Variants in HSPG2 observed in about 807,000 individuals in gnomAD.
HSPG2 encodes heparan sulfate proteoglycan 2.
A neutral mutation model predicts 526.6 loss-of-function variants in HSPG2; 278 were observed. The observed-to-expected ratio is 0.53, with a 90% CI of 0.48 to 0.58. HSPG2 has a LOEUF of 0.58. Ranked by LOEUF, HSPG2 falls within the 20% of genes least tolerant of loss-of-function variation. The probability of loss-of-function intolerance (pLI) is 0.00; values close to 1 mark genes in which losing one functional copy is unlikely to be tolerated. For synonymous variants in HSPG2, 2,465 were observed against 2,555.4 expected (o/e 0.96, Z 1.07); for missense variants, 5,354 against 6,099.5 (o/e 0.88, Z 4.07).
At position 21,833,325 on chromosome 1, in the gene HSPG2, T is replaced by C. The variant is rs2152694872; in HGVS notation, c.11038A>G (p.Lys3680Glu). The change falls in exon 80 of 97, where the codon AAG becomes GAG. Residue 3680 changes from lysine to glutamate, a missense_variant. By Grantham distance (56) the Lys-to-Glu change is moderately conservative. Transcript: ENST00000374695. ...ATCTCGAACTTCCTGTAGGCATCCT[T>C]GATGGTGGGCAGCGGTAGGAAGGAG... is the stretch of plus-strand genomic sequence containing the variant. The part of the protein sequence containing the change: ...PYSFLPLPTI[K>E]DAYRKFEIKI... 2 of 1,613,976 alleles carry C rather than the reference T, an allele frequency of 1.2e-6. No homozygotes were observed. The highest frequency in any genetic ancestry group is 1.7e-6 in the Non-Finnish European group (2 of 1,179,964).
Position 21,843,339 on chromosome 1 carries a change from C to G in HSPG2, c.8716G>C (p.Val2906Leu), listed in dbSNP as rs770457359. 2 of 1,614,130 alleles carry G rather than the reference C, an allele frequency of 1.2e-6. No homozygotes were observed. Among genetic ancestry groups the G allele is most frequent in the Admixed American group, 3.3e-5 (2 of 60,026 alleles). ...TGSSGTLEASVLVTIEPSSPG... is the reference protein window; with the variant it reads ...TGSSGTLEASLLVTIEPSSPG... ...CTGGAGGGCTCAATTGTGACCAGGACAGATGCCTCCAGGGTGCCTGAGCTT... is the reference window on the plus strand; with the variant it reads ...CTGGAGGGCTCAATTGTGACCAGGAGAGATGCCTCCAGGGTGCCTGAGCTT... Residue 2906 changes from valine to leucine, a missense_variant, in exon 66 of 97, where the codon GTC (valine) becomes CTC (leucine). Coordinates refer to ENST00000374695, the MANE Select transcript of HSPG2 (RefSeq NM_005529.7).
In HSPG2 at chr1:21,866,031, A is replaced by G. The variant is rs4654993; in HGVS notation, c.4222-222T>C. Among the ~76,000 whole-genome samples the G allele has an allele frequency of 0.98, 149,455 of 152,160 alleles. 73,447 individuals are homozygous for G. Among genetic ancestry groups the G allele is most frequent in the Middle Eastern group, 1 (294 of 294 alleles). Reference sequence around the variant, plus strand: ...AGACATGGTGGTGATGATGCTGAGCAGCCTCTTTGCTCTGCAAGGTTCTCT... The same window carrying G: ...AGACATGGTGGTGATGATGCTGAGCGGCCTCTTTGCTCTGCAAGGTTCTCT... On this transcript the variant is annotated intron_variant, in intron 33 of 96. Transcript: ENST00000374695.
chr1:21,860,832 G>C (rs370705566), intron 39 of HSPG2, among the ~76,000 whole-genome samples: 1 of 152,184 alleles, frequency 6.6e-6, no homozygotes, highest in African/African-American at 2.4e-5. Context: ...TGTGCTATAG[G>C]TGTTGGAAAT....
rs779649383 is a variant in HSPG2 at position 21,852,850 on chromosome 1, G to A, written c.6592-18C>T. Reference sequence around the variant, plus strand: ...CCGTGGGTCTGTGTGCAAATGGGGTGGGTTGGGAGGGGGCTGGAACAGTCC... The same window carrying A: ...CCGTGGGTCTGTGTGCAAATGGGGTAGGTTGGGAGGGGGCTGGAACAGTCC... On this transcript the variant is annotated intron_variant, in intron 51 of 96. Transcript: ENST00000374695. The A allele has an allele frequency of 1.1e-5, 18 of 1,611,358 alleles. No homozygotes were observed. Among genetic ancestry groups the A allele is most frequent in the Non-Finnish European group, 1.4e-5 (16 of 1,179,536 alleles).
intron 1 of HSPG2, 142 bp from the exon 2 acceptor site, chr1:21,896,452 G>C: frequency 9.7e-7 from 1 of 1,028,362 alleles, no homozygotes; most frequent in Non-Finnish European, 1.5e-6. Flanking sequence ...GGCTCAGTGA[G>C]CCAGGCTGGG....
intron 96 of HSPG2, 49 bp downstream of exon 96, chr1:21,823,567 A>G (rs763147307): frequency 3.0e-5 from 48 of 1,608,914 alleles, no homozygotes; most frequent in South Asian, 4.4e-5. Flanking sequence ...CTCTAGCCCT[A>G]AGGGAGTGCC....
chr1:21,846,040 T>C, intron 64 of HSPG2, 68 bp downstream of exon 64: 1 of 1,573,864 alleles, frequency 6.4e-7, no homozygotes, highest in East Asian at 2.2e-5. Context: ...CTTCTGCCAG[T>C]TCTGCCCCCT....
chr1:21,880,835 C>A lies in HSPG2; in HGVS notation c.1819G>T (p.Val607Leu), dbSNP rs759039483. The change falls in exon 15 of 97, where the codon GTG (valine) becomes TTG (leucine). Residue 607 changes from valine (V) to leucine (L), a missense_variant and splice_region_variant. By Grantham distance (32) the Val-to-Leu change is conservative (BLOSUM62 1). Coordinates refer to ENST00000374695, the MANE Select transcript of HSPG2 (RefSeq NM_005529.7). Reference sequence around the variant, plus strand: ...CGCAGGGAGCCGCCATAGGAGTCCACCTGGCACAACAGGGTGGATCAGCAC... The same window carrying A: ...CGCAGGGAGCCGCCATAGGAGTCCAACTGGCACAACAGGGTGGATCAGCAC... ...ALPEQFLGNK[V>L]DSYGGSLRYN... 13 of 1,589,408 alleles carry A rather than the reference C, an allele frequency of 8.2e-6. No homozygotes were observed. Among genetic ancestry groups the A allele is most frequent in the Admixed American group, 1.8e-5 (1 of 56,694 alleles).
rs530001373 is a variant in HSPG2, at chr1:21,904,066, G to A, written c.64-7756C>T. The stretch of plus-strand genomic sequence containing the variant: ...GGGGTACCTACTATGTGCTGGGCCC[G>A]GGGGACAAAATGTGAAATGGACACA... On this transcript the variant is annotated intron_variant, in intron 1 of 96. Transcript: ENST00000374695. The surrounding 1 kb of genome is among the most constrained non-coding windows in gnomAD (Gnocchi z 4.4). 4.6e-5 allele frequency among the ~76,000 whole-genome samples: 7 copies of A among 152,280 alleles called. No individual in the cohort carries two copies. The highest frequency in any genetic ancestry group is 2.1e-4 in the South Asian group (1 of 4,824).
intron 74 of HSPG2, 82 bp downstream of exon 74, chr1:21,838,743 C>T (rs987104733): frequency 1.4e-6 from 2 of 1,476,670 alleles, no homozygotes; most frequent in South Asian, 1.2e-5. Flanking sequence ...GGGAGGCCTT[C>T]CCACCCGAGT....
chr1:21,890,974 G>A lies in HSPG2; in HGVS notation c.245-280C>T, dbSNP rs544924479. On this transcript the variant is annotated intron_variant, in intron 3 of 96. Transcript: ENST00000374695. This position sits in a 1 kb window ranked among gnomAD's most constrained non-coding sequence, Gnocchi z 4.1. ...CAAAAGAGGAGACCCCCACAGTTCA[G>A]AGGAAGGCTGGACAAGAAGGGGTGG... is the stretch of plus-strand genomic sequence containing the variant. 9.5e-4 allele frequency among the ~76,000 whole-genome samples: 144 copies of A among 152,374 alleles called. No homozygotes were observed. Among genetic ancestry groups the A allele is most frequent in the Non-Finnish European group, 1.8e-3 (120 of 68,036 alleles).
At chr1:21,934,828 C>T (rs1006973269) in intron 1 of HSPG2, among the ~76,000 whole-genome samples, 3 of 152,134 alleles carry the variant, frequency 2.0e-5, no homozygotes, top group African/African-American at 7.2e-5. Flanking sequence ...AACTCCTGAC[C>T]TCATGATCCG....
chr1:21,835,664 A>C, intron 75 of HSPG2, 27 bp from the exon 76 acceptor site: 2 of 1,558,628 alleles, frequency 1.3e-6, no homozygotes, highest in South Asian at 2.2e-5. Flanking sequence ...ATAAGACATC[A>C]GGGAGTTGAA....
rs777487595 is a variant in HSPG2, at chr1:21,844,300, C to G, written c.8465-1G>C. The G allele has an allele frequency of 6.2e-7, 1 of 1,611,702 alleles. No homozygotes were observed. The highest frequency in any genetic ancestry group is 2.2e-5 in the East Asian group (1 of 44,856). ...CGGATGGGTGGGGCTCCACCTGGGGCTGGGGCACAGGGGAGAGGTCAGTGA... is the reference window on the plus strand; with the variant it reads ...CGGATGGGTGGGGCTCCACCTGGGGGTGGGGCACAGGGGAGAGGTCAGTGA... On this transcript the variant is annotated splice_acceptor_variant, in intron 64 of 96. Coordinates refer to ENST00000374695, the MANE Select transcript of HSPG2 (RefSeq NM_005529.7). LOFTEE classifies it high-confidence loss of function.
chr1:21,828,916 G>A lies in HSPG2; in HGVS notation c.12156C>T (p.Leu4052=). The A allele has an allele frequency of 1.3e-6, 2 of 1,564,000 alleles. No homozygotes were observed. Among genetic ancestry groups the A allele is most frequent in the Non-Finnish European group, 8.7e-7 (1 of 1,154,140 alleles). The change falls in exon 88 of 97, where the codon CTC becomes CTT. Residue 4052 remains leucine (L), a synonymous_variant. Transcript: ENST00000374695. The surrounding 1 kb of genome is among the most constrained non-coding windows in gnomAD (Gnocchi z 6.0). ...CGGAAGGCTCCACACCCCCCAGGTA[G>A]AGCAGGGTGTGCAGGTTGAGGCCCT... The part of the protein sequence containing the change: ...KSQGLNLHTL[L]YLGGVEPSVP...
chr1:21,866,884 A>G (rs899242300), intron 33 of HSPG2, among the ~76,000 whole-genome samples: 2 of 152,192 alleles, frequency 1.3e-5, no homozygotes, highest in African/African-American at 4.8e-5. Flanking sequence ...ACATGGCTAC[A>G]GGGATATTCT....
chr1:21,889,083 G>A (rs1026438611), intron 6 of HSPG2, among the ~76,000 whole-genome samples: 3 of 152,106 alleles, frequency 2.0e-5, no homozygotes, highest in Admixed American at 1.3e-4. Context: ...GCACCACCAC[G>A]CTTGGCTTTA....
intron 62 of HSPG2, among the ~76,000 whole-genome samples, chr1:21,846,801 A>T (rs962832303): frequency 6.6e-6 from 1 of 151,950 alleles, no homozygotes; most frequent in Non-Finnish European, 1.5e-5. Flanking sequence ...GGAGTTTGAG[A>T]CTAGCCTGAC....
chr1:21,896,082 G>A, intron 2 of HSPG2, 93 bp downstream of exon 2: 1 of 1,604,012 alleles, frequency 6.2e-7, no homozygotes, highest in Non-Finnish European at 8.5e-7. Context: ...AGAAAGCTCG[G>A]AATGGTCGGT....
Sources: gnomAD v4.1 joint callset for allele counts (sites outside exome capture counted in the v4.1 genomes callset) on GRCh38, gnomAD v4.1.1 for gene constraint, Gnocchi (gnomAD v3.1) non-coding constraint, MANE v1.5 for transcripts, NCBI Gene and HGNC (gene_info 2026-07-23, HGNC 2026-07-21) for gene names.